CHRM3: variants seen among roughly 807,000 people sequenced by gnomAD.
CHRM3 encodes cholinergic receptor muscarinic 3, also known as muscarinic acetylcholine receptor M3.
Under a neutral mutation model 41.8 loss-of-function variants are expected in CHRM3, and 11 were observed. The ratio of observed to expected loss-of-function variants is 0.26; its 90% CI spans 0.17 to 0.44. The LOEUF (loss-of-function observed/expected upper bound fraction) is 0.44. Among genes scored for constraint, CHRM3 ranks in the 20% least tolerant of loss-of-function variants. CHRM3 has a pLI of 1.00. For synonymous variants in CHRM3, 297 were observed against 301.4 expected (o/e 0.99, Z 0.15); for missense variants, 571 against 745.4 (o/e 0.77, Z 2.72).
intron 4 of CHRM3, among the ~76,000 whole-genome samples, chr1:239,658,382 G>A (rs1672900837): frequency 1.3e-5 from 2 of 152,180 alleles, no homozygotes; most frequent in Admixed American, 6.5e-5. Flanking sequence ...GACTCAACTA[G>A]AAAGAATGTC....
intron 5 of CHRM3, among the ~76,000 whole-genome samples, chr1:239,701,512 C>A (rs1378517257): frequency 6.6e-6 from 1 of 152,210 alleles, no homozygotes; most frequent in African/African-American, 2.4e-5. Flanking sequence ...TCCTTGTTGT[C>A]ATGATTGACA....
chr1:239,463,759 G>A (rs911701271), intron 1 of CHRM3, among the ~76,000 whole-genome samples: 1 of 151,836 alleles, frequency 6.6e-6, no homozygotes, highest in Non-Finnish European at 1.5e-5. Flanking sequence ...TTGACTATAG[G>A]TAAGATGTGA....
chr1:239,642,405 A>G (rs894831463), intron 4 of CHRM3, among the ~76,000 whole-genome samples: 3 of 152,082 alleles, frequency 2.0e-5, no homozygotes, highest in Admixed American at 6.5e-5. Flanking sequence ...AGGTACACCA[A>G]TCAGATGTAG....
chr1:239,443,682 A>G (rs1663903747), intron 1 of CHRM3, among the ~76,000 whole-genome samples: 1 of 152,222 alleles, frequency 6.6e-6, no homozygotes, highest in African/African-American at 2.4e-5. Flanking sequence ...CTTAAGGGAA[A>G]TACTTTTCTT....
At chr1:239,803,483 G>T (rs1390377634) in intron 5 of CHRM3, among the ~76,000 whole-genome samples, 1 of 152,126 alleles carries the variant, frequency 6.6e-6, no homozygotes, top group Non-Finnish European at 1.5e-5. Flanking sequence ...TTAAATATGT[G>T]TATTTCCCAG....
At chr1:239,584,479 G>A (rs1663223648) in intron 3 of CHRM3, among the ~76,000 whole-genome samples, 1 of 152,018 alleles carries the variant, frequency 6.6e-6, no homozygotes, top group African/African-American at 2.4e-5. Context: ...TAAACTCTTG[G>A]GCTTTTTAAA....
At chr1:239,649,018 T>C (rs1446047014) in intron 4 of CHRM3, among the ~76,000 whole-genome samples, 3 of 152,212 alleles carry the variant, frequency 2.0e-5, no homozygotes, top group Admixed American at 6.5e-5. Context: ...TCACATATAA[T>C]AGTGTATTAT....
At chr1:239,517,417 C>T (rs954945473) in intron 2 of CHRM3, among the ~76,000 whole-genome samples, 7 of 152,196 alleles carry the variant, frequency 4.6e-5, no homozygotes, top group African/African-American at 1.4e-4. Flanking sequence ...TCAAGCTGCC[C>T]GACTTCTCAA....
intron 1 of CHRM3, among the ~76,000 whole-genome samples, chr1:239,488,493 A>T (rs1667332380): frequency 6.6e-6 from 1 of 151,988 alleles, no homozygotes; most frequent in Non-Finnish European, 1.5e-5. Context: ...AGGTGGGCAG[A>T]TCATCAGGTC....
chr1:239,863,891 C>A (rs2149282835), intron 6 of CHRM3, among the ~76,000 whole-genome samples: 1 of 152,218 alleles, frequency 6.6e-6, no homozygotes, highest in South Asian at 2.1e-4. Context: ...AGACACGATG[C>A]AACAGCACAT....
intron 1 of CHRM3, among the ~76,000 whole-genome samples, chr1:239,397,451 T>A (rs975437509): frequency 6.6e-6 from 1 of 151,910 alleles, no homozygotes; most frequent in African/African-American, 2.4e-5. Flanking sequence ...GATGGGTGGA[T>A]CAGGAGGTCA....
At chr1:239,412,661 G>A (rs1467089613) in intron 1 of CHRM3, among the ~76,000 whole-genome samples, 1 of 151,678 alleles carries the variant, frequency 6.6e-6, no homozygotes, top group Admixed American at 6.6e-5. Context: ...TGCTTTTTTT[G>A]CTGTGAATAT....
At chr1:239,831,449 G>A (rs1027098104) in intron 6 of CHRM3, among the ~76,000 whole-genome samples, 1 of 152,094 alleles carries the variant, frequency 6.6e-6, no homozygotes, top group African/African-American at 2.4e-5. Flanking sequence ...AATACTGGAA[G>A]GAACCGTTTT....
intron 5 of CHRM3, among the ~76,000 whole-genome samples, chr1:239,807,155 A>G (rs1670723232): frequency 6.6e-6 from 1 of 152,268 alleles, no homozygotes; most frequent in Admixed American, 6.5e-5. Context: ...CATAAAAGAA[A>G]TAAAAGTCCT....
intron 6 of CHRM3, among the ~76,000 whole-genome samples, chr1:239,872,978 CAGA>C (rs1167815652): frequency 1.3e-5 from 2 of 152,096 alleles, no homozygotes; most frequent in South Asian, 2.1e-4. Flanking sequence ...AATCCAGGAC[CAGA>C]AGAAGTTGTC....
intron 3 of CHRM3, 100 bp from the exon 4 acceptor site, chr1:239,632,124 T>G (rs1260573819): frequency 3.3e-5 from 5 of 152,232 alleles, no homozygotes; most frequent in African/African-American, 1.2e-4. Flanking sequence ...TTTTTTCCAT[T>G]GCCTCTAATC....
chr1:239,607,709 A>T (rs1012014385), intron 3 of CHRM3, among the ~76,000 whole-genome samples: 2 of 152,196 alleles, frequency 1.3e-5, no homozygotes, highest in East Asian at 1.9e-4. Flanking sequence ...TTATGTGTGT[A>T]TATCACACAT....
intron 2 of CHRM3, among the ~76,000 whole-genome samples, chr1:239,506,745 C>T (rs1668597315): frequency 6.6e-6 from 1 of 152,170 alleles, no homozygotes; most frequent in Non-Finnish European, 1.5e-5. Context: ...CCTACAAAAG[C>T]CACAGACACT....
At chr1:239,467,061 A>G (rs905398519) in intron 1 of CHRM3, among the ~76,000 whole-genome samples, 4 of 152,070 alleles carry the variant, frequency 2.6e-5, no homozygotes, top group African/African-American at 7.2e-5. Flanking sequence ...CGCTTTAAAC[A>G]GGTTATTAAA....
Sources: gnomAD v4.1 joint callset for allele counts (sites outside exome capture counted in the v4.1 genomes callset) on GRCh38, gnomAD v4.1.1 for gene constraint, MANE v1.5 for transcripts, NCBI Gene and HGNC (gene_info 2026-07-23, HGNC 2026-07-21) for gene names.